MED27: variants seen among roughly 807,000 people sequenced by gnomAD.
The protein encoded by MED27 is mediator of RNA polymerase II transcription subunit 27.
Under a neutral mutation model 38.2 loss-of-function variants are expected in MED27, and 30 were observed. The observed-to-expected ratio is 0.79, with a 90% CI of 0.59 to 1.07. The LOEUF is 1.07. Ranked by LOEUF, MED27 falls within the 50% of genes least tolerant of loss-of-function variation. The pLI, the probability that MED27 is intolerant of heterozygous loss-of-function variation, is 0.00. For synonymous variants in MED27, 122 were observed against 153.5 expected (o/e 0.79, Z 1.52); for missense variants, 289 against 397.5 (o/e 0.73, Z 2.32).
At chr9:131,984,907 C>A (rs1241734392) in intron 3 of MED27, among the ~76,000 whole-genome samples, 2 of 152,022 alleles carry the variant, frequency 1.3e-5, no homozygotes, top group African/African-American at 4.8e-5. Flanking sequence ...TTGAGCTCAA[C>A]CTTATCTAGT....
intron 2 of MED27, among the ~76,000 whole-genome samples, chr9:132,041,140 G>A (rs1833200973): frequency 6.6e-6 from 1 of 152,144 alleles, no homozygotes; most frequent in African/African-American, 2.4e-5. Flanking sequence ...AAGAGCAAAG[G>A]GAAAAAGAGG....
At chr9:131,952,970 A>T (rs1831028535) in intron 3 of MED27, among the ~76,000 whole-genome samples, 1 of 152,222 alleles carries the variant, frequency 6.6e-6, no homozygotes, top group Non-Finnish European at 1.5e-5. Context: ...TAAATAAAAC[A>T]CATGACATTA....
At chr9:131,960,414 G>A (rs1411244514) in intron 3 of MED27, among the ~76,000 whole-genome samples, 1 of 152,134 alleles carries the variant, frequency 6.6e-6, no homozygotes, top group Non-Finnish European at 1.5e-5. Flanking sequence ...GTGTGTGTGC[G>A]CTCGTGCACA....
chr9:131,900,470 A>G (rs1435417017), intron 4 of MED27, among the ~76,000 whole-genome samples: 1 of 152,234 alleles, frequency 6.6e-6, no homozygotes, highest in Admixed American at 6.5e-5. Context: ...TTGAAATGAT[A>G]TCTCTACTGC....
At position 131,921,083 on chromosome 9, in the gene MED27, T is replaced by C. The variant is rs534681948; in HGVS notation, c.573+18298A>G. 1.6e-4 allele frequency among the ~76,000 whole-genome samples: 25 copies of C among 152,296 alleles called. No homozygotes were observed. The South Asian group carries it at 5.2e-3, about 32-fold the overall frequency. On this transcript the variant is annotated intron_variant, in intron 4 of 7. Coordinates refer to ENST00000292035, the MANE Select transcript of MED27 (RefSeq NM_004269.4). ...TCTGGGCCAAACACATATCATTTCA[T>C]CCAATGTGGATATCTAAATATGCAT...
At chr9:131,888,336 G>T (rs907584364) in intron 5 of MED27, among the ~76,000 whole-genome samples, 2 of 152,232 alleles carry the variant, frequency 1.3e-5, no homozygotes, top group Non-Finnish European at 2.9e-5. Context: ...GTTAATGCGA[G>T]GTGGGGGAAT....
At chr9:131,963,211 C>G (rs927094894) in intron 3 of MED27, among the ~76,000 whole-genome samples, 4 of 152,106 alleles carry the variant, frequency 2.6e-5, no homozygotes, top group African/African-American at 7.2e-5. Flanking sequence ...CCGTATCATT[C>G]ACAGGAGCCA....
chr9:131,929,079 G>A (rs1016948297), intron 4 of MED27, among the ~76,000 whole-genome samples: 4 of 152,188 alleles, frequency 2.6e-5, no homozygotes, highest in Non-Finnish European at 5.9e-5. Flanking sequence ...ACCCATTCTA[G>A]GCCCTAGCTC....
chr9:132,015,222 T>TA (rs1387065420), intron 2 of MED27, among the ~76,000 whole-genome samples: 1 of 152,190 alleles, frequency 6.6e-6, no homozygotes, highest in East Asian at 1.9e-4. Flanking sequence ...TACAAATGGA[T>TA]ATAGGCTCAT....
At chr9:132,015,762 G>T (rs1453431302) in intron 2 of MED27, among the ~76,000 whole-genome samples, 1 of 152,004 alleles carries the variant, frequency 6.6e-6, no homozygotes, top group African/African-American at 2.4e-5. Context: ...CTATACTTTT[G>T]TATTTTAGAT....
chr9:131,940,858 T>A (rs1830774163), intron 3 of MED27, among the ~76,000 whole-genome samples: 1 of 152,242 alleles, frequency 6.6e-6, no homozygotes, highest in South Asian at 2.1e-4. Context: ...CAAAAGGGAA[T>A]CCTCTATTCT....
chr9:132,049,538 G>A (rs1389974330), intron 2 of MED27, among the ~76,000 whole-genome samples: 2 of 152,116 alleles, frequency 1.3e-5, no homozygotes, highest in African/African-American at 2.4e-5. Flanking sequence ...GCAGGAAGAC[G>A]GCCAGCACGG....
intron 3 of MED27, among the ~76,000 whole-genome samples, chr9:131,952,951 A>G (rs185431824): frequency 6.6e-6 from 1 of 152,360 alleles, no homozygotes; most frequent in East Asian, 1.9e-4. Flanking sequence ...CAGAACAAAA[A>G]GTTCTTCCTA....
Position 132,076,747 on chromosome 9 carries a change from A to G in MED27, c.348+695T>C, listed in dbSNP as rs1037303074. On this transcript the variant is annotated intron_variant, in intron 2 of 7. Transcript: ENST00000292035. Reference sequence around the variant, plus strand: ...CATACACACATGTACGCCACACCACATAGCACCCAAACAAAAGGAACTTGT... The same window carrying G: ...CATACACACATGTACGCCACACCACGTAGCACCCAAACAAAAGGAACTTGT... Among the ~76,000 whole-genome samples, 5 of 152,200 alleles carry G rather than the reference A, an allele frequency of 3.3e-5. 1 individual carries two copies. The highest frequency in any genetic ancestry group is 7.3e-5 in the Non-Finnish European group (5 of 68,040).
chr9:131,941,416 G>A (rs958523125), intron 3 of MED27, among the ~76,000 whole-genome samples: 2 of 152,056 alleles, frequency 1.3e-5, no homozygotes, highest in African/African-American at 2.4e-5. Flanking sequence ...GAACACACAC[G>A]CCAGCTCTGA....
chr9:131,887,403 C>G (rs528433309), intron 5 of MED27, among the ~76,000 whole-genome samples: 3 of 152,244 alleles, frequency 2.0e-5, no homozygotes, highest in Admixed American at 1.3e-4. Flanking sequence ...GTCTATTTAC[C>G]TGGTGCGCAT....
rs145688384 is a variant in MED27 at position 132,007,875 on chromosome 9, G to A, written c.479+6462C>T. Among the ~76,000 whole-genome samples the A allele has an allele frequency of 3.6e-3, 545 of 152,070 alleles. 3 individuals are homozygous for A. Among genetic ancestry groups the A allele is most frequent in the African/African-American group, 0.012 (514 of 41,480 alleles). The stretch of plus-strand genomic sequence containing the variant: ...ACAGAGAACAAAGCCCGGGAAACAA[G>A]TATGCCCTTAATCAAGCAGACAGAA... On this transcript the variant is annotated intron_variant, in intron 3 of 7. Coordinates refer to ENST00000292035, the MANE Select transcript of MED27 (RefSeq NM_004269.4).
At chr9:132,054,125 T>C (rs1833522150) in intron 2 of MED27, among the ~76,000 whole-genome samples, 1 of 152,114 alleles carries the variant, frequency 6.6e-6, no homozygotes, top group Non-Finnish European at 1.5e-5. Context: ...CCTGCCCAAA[T>C]CTCATGTTGA....
At chr9:131,908,725 G>C (rs1003482354) in intron 4 of MED27, among the ~76,000 whole-genome samples, 3 of 151,998 alleles carry the variant, frequency 2.0e-5, no homozygotes, top group Non-Finnish European at 2.9e-5. Flanking sequence ...AAGTACCCAG[G>C]GACACAAACA....
Sources: allele counts gnomAD v4.1 joint callset (sites outside exome capture counted in the v4.1 genomes callset), GRCh38; gene constraint gnomAD v4.1.1; transcripts MANE v1.5; gene names NCBI Gene and HGNC (gene_info 2026-07-23, HGNC 2026-07-21).